The following KIF5B variants were observed in gnomAD, a reference collection of about 807,000 sequenced individuals.
KIF5B encodes the protein kinesin-1 heavy chain.
In KIF5B, 49 loss-of-function variants were observed where a neutral mutation model predicts 132.8. The observed-to-expected ratio is 0.37, with a 90% CI of 0.29 to 0.47. The LOEUF (loss-of-function observed/expected upper bound fraction) is 0.47. Ranked by LOEUF, KIF5B falls within the 20% of genes least tolerant of loss-of-function variation. The pLI is 1.00. For synonymous variants in KIF5B, 355 were observed against 369.4 expected (o/e 0.96, Z 0.45); for missense variants, 780 against 1,144.0 (o/e 0.68, Z 4.59).
chr10:32,018,818 G>A (rs1048489732), intron 20 of KIF5B, among the ~76,000 whole-genome samples: 2 of 151,046 alleles, frequency 1.3e-5, no homozygotes, highest in African/African-American at 4.9e-5. Context: ...TCCTCACCTC[G>A]TCTCCCAAAT....
intron 23 of KIF5B, 30 bp downstream of exon 23, chr10:32,018,022 G>T: frequency 8.0e-7 from 1 of 1,251,166 alleles, no homozygotes; most frequent in Non-Finnish European, 1.1e-6. Context: ...TTACTATCTT[G>T]CAGCTACCAG....
rs1212012800 is a variant in KIF5B at position 32,022,207 on chromosome 10, T to C, written c.1965A>G (p.Gln655=). 6.2e-7 allele frequency: 1 copy of C among 1,613,584 alleles called. No individual in the cohort carries two copies. Among genetic ancestry groups the C allele is most frequent in the African/African-American group, 1.3e-5 (1 of 74,912 alleles). The change falls in exon 17 of 26, where the codon CAA becomes CAG. Residue 655 remains glutamine, a synonymous_variant. Coordinates refer to ENST00000302418, the MANE Select transcript of KIF5B (RefSeq NM_004521.3). ...CAGATTCCTCCAACTGTCTTTTCTT[T>C]TGTTCCACATTTTGAAGGTATTCAG... is the stretch of plus-strand genomic sequence containing the variant. The part of the protein sequence containing the change: ...SLTEYLQNVE[Q]KKRQLEESVD...
In KIF5B at chr10:32,017,758, G is replaced by A. The variant is rs75229604; in HGVS notation, c.2544+294C>T. Among the ~76,000 whole-genome samples the A allele has an allele frequency of 8.3e-3, 1,263 of 152,312 alleles. 13 individuals are homozygous for A. Among genetic ancestry groups the A allele is most frequent in the African/African-American group, 0.029 (1,188 of 41,562 alleles). On this transcript the variant is annotated intron_variant, in intron 23 of 25. Transcript: ENST00000302418. Reference sequence around the variant, plus strand: ...AAGACTTTGCAGTACTTTAACTGCAGTCTTGTGTAGTAGAGATTTCAAAAT... The same window carrying A: ...AAGACTTTGCAGTACTTTAACTGCAATCTTGTGTAGTAGAGATTTCAAAAT...
chr10:32,055,650 T>C (rs1235055236), intron 1 of KIF5B, among the ~76,000 whole-genome samples, 198 bp downstream of exon 1: 2 of 152,052 alleles, frequency 1.3e-5, no homozygotes, highest in East Asian at 1.9e-4. Flanking sequence ...CGCCGAAGAC[T>C]GGGGTGGGGG....
chr10:32,018,643 T>C lies in KIF5B; in HGVS notation c.2307-81A>G. ...AGCATGAGAGTTGAATAAAATATTT[T>C]GTGTCTGAAAGGATAAATTCTTAAA... On this transcript the variant is annotated intron_variant, in intron 20 of 25. Transcript: ENST00000302418. The C allele has an allele frequency of 4.7e-6, 5 of 1,065,992 alleles. No individual in the cohort carries two copies. The South Asian group carries it at 7.3e-5, about 16-fold the overall frequency. The allele number at this position is 1,065,992 out of a possible 1,614,324, so 66.0% of individuals were successfully genotyped here.
chr10:32,014,987 T>A (rs1267306868), intron 25 of KIF5B, among the ~76,000 whole-genome samples: 2 of 151,970 alleles, frequency 1.3e-5, no homozygotes, highest in Middle Eastern at 3.2e-3. Context: ...TAGCCAGGCA[T>A]GGTGGCAGGC....
chr10:32,047,135 C>T (rs947930803), intron 2 of KIF5B, among the ~76,000 whole-genome samples: 2 of 152,096 alleles, frequency 1.3e-5, no homozygotes, highest in Non-Finnish European at 2.9e-5. Context: ...TGCTTTTGCA[C>T]CATCGTAAAG....
At chr10:32,041,185 G>A (rs1592451266) in intron 2 of KIF5B, among the ~76,000 whole-genome samples, 3 of 150,084 alleles carry the variant, frequency 2.0e-5, no homozygotes, top group African/African-American at 7.3e-5. Context: ...TGTGGAAAGA[G>A]TGGCAAGAAA....
At chr10:32,018,224 G>A (rs568460194) in intron 22 of KIF5B, 68 bp from the exon 23 acceptor site, 12 of 1,444,942 alleles carry the variant, frequency 8.3e-6, no homozygotes, top group African/African-American at 2.9e-5. Flanking sequence ...AAAAATTGAC[G>A]TGACTGTAAA....
chr10:32,050,427 C>A (rs573139256), intron 1 of KIF5B, among the ~76,000 whole-genome samples: 3 of 152,326 alleles, frequency 2.0e-5, no homozygotes, highest in African/African-American at 4.8e-5. Flanking sequence ...AAAGGACCAT[C>A]TCAGCTAAAA....
Position 32,022,962 on chromosome 10 carries a change from T to G in KIF5B, c.1800A>C (p.Glu600Asp), listed in dbSNP as rs752148160. The G allele has an allele frequency of 1.9e-6, 3 of 1,613,460 alleles. No homozygotes were observed. The African/African-American group carries it at 4.0e-5, about 22-fold the overall frequency. ...ARLYISKMKS[E>D]VKTMVKRCKQ... ...TGCAACGTTTCACCATGGTTTTTAC[T>G]TCTGACTTCATTTTGCTAATGTAGA... Residue 600 changes from glutamate to aspartate, a missense_variant, in exon 16 of 26, where the codon GAA becomes GAC. Around this residue, in one of 9 missense-constraint regions of KIF5B, gnomAD observed 471 missense variants for 569.9 expected, o/e 0.83. Coordinates refer to ENST00000302418, the MANE Select transcript of KIF5B (RefSeq NM_004521.3).
At chr10:32,043,727 C>G (rs1841573264) in intron 2 of KIF5B, among the ~76,000 whole-genome samples, 1 of 151,954 alleles carries the variant, frequency 6.6e-6, no homozygotes, top group South Asian at 2.1e-4. Flanking sequence ...TCTAACAAAT[C>G]TACAGATAGG....
At chr10:32,025,284 C>T (rs1487349174) in intron 15 of KIF5B, among the ~76,000 whole-genome samples, 1 of 152,182 alleles carries the variant, frequency 6.6e-6, no homozygotes, top group African/African-American at 2.4e-5. Context: ...CCTTACAAAG[C>T]TAACATAGTC....
chr10:32,042,403 C>T (rs1189850542), intron 2 of KIF5B, among the ~76,000 whole-genome samples: 1 of 152,140 alleles, frequency 6.6e-6, no homozygotes, highest in African/African-American at 2.4e-5. Flanking sequence ...TTACCTCTTC[C>T]TCTAACCCAA....
chr10:32,014,078 T>C (rs78756330), intron 25 of KIF5B, among the ~76,000 whole-genome samples: 3,717 of 152,314 alleles, frequency 0.024, 61 homozygotes, highest in Middle Eastern at 0.041. Context: ...TAGTATTTTT[T>C]ATTTCCAAAG....
chr10:32,018,266 A>G (rs757392519), intron 22 of KIF5B, 50 bp downstream of exon 22: 3 of 1,455,100 alleles, frequency 2.1e-6, no homozygotes, highest in Non-Finnish European at 2.8e-6. Context: ...ATAATTACCT[A>G]GAAGTAAGCA....
chr10:32,024,147 T>C (rs118126758), intron 15 of KIF5B, among the ~76,000 whole-genome samples: 239 of 19,398 alleles, frequency 0.012, 1 homozygote, highest in South Asian at 0.032. Context: ...TGAAGAACTC[T>C]TTTTTTTTTT....
chr10:32,039,734 A>G (rs1176626770), intron 3 of KIF5B, among the ~76,000 whole-genome samples: 3 of 152,182 alleles, frequency 2.0e-5, no homozygotes, highest in African/African-American at 7.2e-5. Flanking sequence ...TTTCCATATA[A>G]TTCTACATTG....
In KIF5B at chr10:32,035,895, C is replaced by T. The variant is rs745849519; in HGVS notation, c.811G>A (p.Gly271Ser). Residue 271 changes from glycine to serine, a missense_variant, in exon 9 of 26, where the codon GGT becomes AGT. Coordinates refer to ENST00000302418, the MANE Select transcript of KIF5B (RefSeq NM_004521.3). ...LGNVISALAE[G>S]STYVPYRDSK... ...TAGAAGACATGTATACTCACACTACCCTCAGCCAAAGCAGAAATAACATTT... is the reference window on the plus strand; with the variant it reads ...TAGAAGACATGTATACTCACACTACTCTCAGCCAAAGCAGAAATAACATTT... 3 of 1,610,710 alleles carry T rather than the reference C, an allele frequency of 1.9e-6. No homozygotes were observed. Among genetic ancestry groups the T allele is most frequent in the Admixed American group, 3.4e-5 (2 of 59,552 alleles).
Sources: gnomAD v4.1 joint callset for allele counts (sites outside exome capture counted in the v4.1 genomes callset) on GRCh38, gnomAD v4.1.1 for gene constraint, gnomAD v4.1.1 regional missense constraint, MANE v1.5 for transcripts, NCBI Gene and HGNC (gene_info 2026-07-23, HGNC 2026-07-21) for gene names.